PDE1C: variants seen among roughly 807,000 people sequenced by gnomAD.
PDE1C encodes the protein dual specificity calcium/calmodulin-dependent 3',5'-cyclic nucleotide phosphodiesterase 1C.
Under a neutral mutation model 93.1 loss-of-function variants are expected in PDE1C, and 62 were observed. That is an observed-to-expected ratio of 0.67 (90% CI 0.54 to 0.82). PDE1C has a LOEUF of 0.82. PDE1C is among the 40% of genes least tolerant of loss of function. The probability of loss-of-function intolerance (pLI) is 0.00; values close to 1 mark genes in which losing one functional copy is unlikely to be tolerated. For missense variants in PDE1C, 742 were observed against 884.6 expected, an observed-to-expected ratio of 0.84 and a Z score of 2.04; for synonymous variants, 325 against 310.1, an observed-to-expected ratio of 1.05 and a Z score of -0.50.
At chr7:31,811,457 G>A (rs567322347) in intron 15 of PDE1C, among the ~76,000 whole-genome samples, 1 of 152,170 alleles carries the variant, frequency 6.6e-6, no homozygotes. Context: ...TGCAGGACAT[G>A]GTCATCACCT....
At chr7:31,912,728 T>C (rs928459082) in intron 2 of PDE1C, among the ~76,000 whole-genome samples, 3 of 151,946 alleles carry the variant, frequency 2.0e-5, no homozygotes, top group Non-Finnish European at 2.9e-5. Flanking sequence ...TTTTGGCTTG[T>C]GGCATGGGGA....
intron 16 of PDE1C, among the ~76,000 whole-genome samples, chr7:31,804,858 G>A (rs565653542): frequency 1.3e-5 from 2 of 151,884 alleles, no homozygotes; most frequent in African/African-American, 2.4e-5. Context: ...AGTACAGTGC[G>A]GATAATGCTG....
intron 1 of PDE1C, among the ~76,000 whole-genome samples, chr7:32,216,663 A>G (rs9648381): frequency 0.7 from 106,284 of 152,148 alleles, 37,725 homozygotes; most frequent in Admixed American, 0.77. Flanking sequence ...TAAATCTGCA[A>G]ACATCCAGTC....
chr7:31,902,348 G>A (rs1185475543), intron 2 of PDE1C, among the ~76,000 whole-genome samples: 1 of 151,822 alleles, frequency 6.6e-6, no homozygotes, highest in African/African-American at 2.4e-5. Context: ...CCTCAGAAAT[G>A]CAATTAAAAT....
At chr7:31,810,867 TTATC>T (rs1787457598) in intron 15 of PDE1C, among the ~76,000 whole-genome samples, 1 of 152,140 alleles carries the variant, frequency 6.6e-6, no homozygotes, top group African/African-American at 2.4e-5. Context: ...AAAGAACTGA[TTATC>T]TAAGCATGAT....
chr7:31,973,298 A>G (rs983433558), intron 2 of PDE1C, among the ~76,000 whole-genome samples: 1 of 152,146 alleles, frequency 6.6e-6, no homozygotes, highest in African/African-American at 2.4e-5. Context: ...ACATATTCAT[A>G]AAAATAACTA....
intron 2 of PDE1C, among the ~76,000 whole-genome samples, chr7:32,045,024 G>A (rs1249460273): frequency 6.6e-6 from 1 of 151,722 alleles, no homozygotes; most frequent in Non-Finnish European, 1.5e-5. Flanking sequence ...TAGCCTTTCT[G>A]GGCCTAGATC....
intron 3 of PDE1C, among the ~76,000 whole-genome samples, chr7:32,096,239 C>T (rs1797741016): frequency 6.6e-6 from 1 of 152,188 alleles, no homozygotes; most frequent in Non-Finnish European, 1.5e-5. Flanking sequence ...CTGCACTCTA[C>T]CTTCATGCTC....
intron 16 of PDE1C, among the ~76,000 whole-genome samples, chr7:31,781,004 C>T (rs1236108598): frequency 6.6e-6 from 1 of 152,192 alleles, no homozygotes; most frequent in Admixed American, 6.5e-5. Context: ...TTGAGGTATC[C>T]TTTGACAAAT....
intron 7 of PDE1C, among the ~76,000 whole-genome samples, chr7:31,854,697 G>C (rs1037911359): frequency 1.3e-5 from 2 of 152,162 alleles, no homozygotes; most frequent in Non-Finnish European, 2.9e-5. Context: ...ACTTTTCTAT[G>C]TGAATGATAG....
intron 1 of PDE1C, among the ~76,000 whole-genome samples, chr7:32,322,225 C>T (rs924092253): frequency 6.6e-6 from 1 of 152,190 alleles, no homozygotes; most frequent in Non-Finnish European, 1.5e-5. Flanking sequence ...GATAGCCTGG[C>T]TCTAGAGCCT....
chr7:31,623,672 G>A, the PDE1C span, among the ~76,000 whole-genome samples: 1 of 105,558 alleles, frequency 9.5e-6, no homozygotes, highest in South Asian at 4.8e-4. Context: ...AAAACTGGAA[G>A]CATTCCCTTT....
intron 3 of PDE1C, among the ~76,000 whole-genome samples, chr7:32,117,060 G>C (rs1223392311): frequency 6.6e-6 from 1 of 152,176 alleles, no homozygotes; most frequent in Non-Finnish European, 1.5e-5. Flanking sequence ...AGAGTAAATA[G>C]ATGCAAAAGG....
intron 16 of PDE1C, chr7:31,789,669 T>C: frequency 1.0e-6 from 1 of 983,244 alleles, no homozygotes; most frequent in Non-Finnish European, 1.2e-6. Flanking sequence ...ATAAGAACAA[T>C]TTTAAGTCTG....
chr7:32,165,289 G>A (rs1000158142), intron 3 of PDE1C, among the ~76,000 whole-genome samples: 4 of 152,148 alleles, frequency 2.6e-5, no homozygotes, highest in African/African-American at 9.7e-5. Context: ...ACTGTGCTTG[G>A]CTCATTCACA....
chr7:31,711,487 T>C, the PDE1C span, among the ~76,000 whole-genome samples: 5 of 152,174 alleles, frequency 3.3e-5, no homozygotes, highest in African/African-American at 1.2e-4. Context: ...GCTGTTTATA[T>C]AGTGTGAAAC....
intron 3 of PDE1C, among the ~76,000 whole-genome samples, chr7:32,147,999 A>AAAAAAAAAAAAAAAAAAAAAAAAAAC (rs1801008990): frequency 1.3e-5 from 2 of 150,822 alleles, no homozygotes; most frequent in East Asian, 1.9e-4. Flanking sequence ...AAAAAAAAAA[A>AAAAAAAAAAAAAAAAAAAAAAAAAAC]AAAAAAGCCT....
intron 1 of PDE1C, among the ~76,000 whole-genome samples, chr7:32,282,727 C>T (rs1453313075): frequency 1.3e-5 from 2 of 151,614 alleles, no homozygotes; most frequent in Non-Finnish European, 2.9e-5. Context: ...ACTGCAGGCG[C>T]CCGCCACCAT....
the PDE1C span, chr7:31,652,446 A>G: frequency 6.7e-7 from 1 of 1,499,294 alleles, no homozygotes; most frequent in Non-Finnish European, 8.9e-7. Context: ...TGCCTAGCTC[A>G]CAAGTTTGAG....
Sources: gnomAD v4.1 joint callset for allele counts (sites outside exome capture counted in the v4.1 genomes callset) on GRCh38, gnomAD v4.1.1 for gene constraint, MANE v1.5 for transcripts, NCBI Gene and HGNC (gene_info 2026-07-23, HGNC 2026-07-21) for gene names.